The following NRXN1 variants were observed in gnomAD, a reference collection of about 807,000 sequenced individuals.
NRXN1 encodes neurexin 1, also known as neurexin-1.
In NRXN1, 39 loss-of-function variants were observed where a neutral mutation model predicts 150.9. The ratio of observed to expected loss-of-function variants is 0.26; its 90% CI spans 0.20 to 0.34. The LOEUF is 0.34. NRXN1 is among the 10% of genes least tolerant of loss of function. NRXN1 has a pLI of 1.00. For synonymous variants in NRXN1, 924 were observed against 757.0 expected, an observed-to-expected ratio of 1.22 and a Z score of -3.62; for missense variants, 1,815 against 1,949.9, an observed-to-expected ratio of 0.93 and a Z score of 1.30.
chr2:50,943,818 ACAGT>A (rs1689881865), intron 2 of NRXN1, among the ~76,000 whole-genome samples: 1 of 152,232 alleles, frequency 6.6e-6, no homozygotes, highest in South Asian at 2.1e-4. Context: ...TGTTGCAGAG[ACAGT>A]CAGACATGTT....
intron 21 of NRXN1, among the ~76,000 whole-genome samples, chr2:50,003,643 A>C (rs1865488): frequency 0.47 from 71,477 of 151,996 alleles, 17,445 homozygotes; most frequent in Middle Eastern, 0.62. Context: ...TTTTTGCTTC[A>C]CATGTTTAAC....
At chr2:50,964,106 C>G (rs17572798) in intron 2 of NRXN1, 1 of 289,868 alleles carries the variant, frequency 3.4e-6, no homozygotes, top group East Asian at 8.2e-5. Flanking sequence ...ATTTCGACAA[C>G]GATTACAAAA....
intron 12 of NRXN1, among the ~76,000 whole-genome samples, chr2:50,514,110 G>A (rs944945418): frequency 5.9e-5 from 9 of 152,046 alleles, no homozygotes; most frequent in Admixed American, 2.6e-4. Context: ...TATTTCAGTG[G>A]TTAATCTGAC....
intron 2 of NRXN1, among the ~76,000 whole-genome samples, chr2:50,936,128 A>C (rs1333922831): frequency 6.6e-6 from 1 of 152,154 alleles, no homozygotes; most frequent in Non-Finnish European, 1.5e-5. Flanking sequence ...TGTTGTTTGG[A>C]AAATAAACTA....
chr2:49,977,101 T>G (rs1380853214), intron 21 of NRXN1, among the ~76,000 whole-genome samples: 1 of 152,182 alleles, frequency 6.6e-6, no homozygotes, highest in Non-Finnish European at 1.5e-5. Context: ...GGCTTATAGA[T>G]TCTATTGTTG....
At chr2:50,448,134 T>C (rs574002972) in intron 17 of NRXN1, among the ~76,000 whole-genome samples, 1 of 152,144 alleles carries the variant, frequency 6.6e-6, no homozygotes, top group African/African-American at 2.4e-5. Context: ...AAATATAGAA[T>C]GAATGTTCAC....
intron 5 of NRXN1, among the ~76,000 whole-genome samples, chr2:50,854,023 G>C (rs1350767458): frequency 1.3e-5 from 2 of 151,906 alleles, no homozygotes; most frequent in African/African-American, 4.8e-5. Flanking sequence ...TAATTTAAAT[G>C]ATAACTACAT....
At chr2:49,999,899 T>G (rs1322724444) in intron 21 of NRXN1, among the ~76,000 whole-genome samples, 1 of 152,164 alleles carries the variant, frequency 6.6e-6, no homozygotes, top group African/African-American at 2.4e-5. Flanking sequence ...AAGAAGGGCT[T>G]AAACGTTTTA....
intron 7 of NRXN1, 149 bp downstream of exon 7, chr2:50,621,074 AAAG>A (rs1293472722): frequency 1.3e-5 from 8 of 594,338 alleles, no homozygotes; most frequent in African/African-American, 3.8e-5. Flanking sequence ...CAACAGATGA[AAAG>A]AAGGAGGTCA....
At chr2:50,662,550 T>G (rs1049558121) in intron 5 of NRXN1, among the ~76,000 whole-genome samples, 2 of 151,888 alleles carry the variant, frequency 1.3e-5, no homozygotes, top group Non-Finnish European at 2.9e-5. Context: ...CAACACAAAT[T>G]TGTAAACTTT....
At chr2:50,646,807 T>C (rs2104523461) in intron 5 of NRXN1, among the ~76,000 whole-genome samples, 1 of 148,726 alleles carries the variant, frequency 6.7e-6, no homozygotes, top group South Asian at 2.3e-4. Context: ...TGGACTATCC[T>C]TCCTCTGAAC....
chr2:50,812,813 A>G (rs1392458194), intron 5 of NRXN1, among the ~76,000 whole-genome samples: 1 of 151,160 alleles, frequency 6.6e-6, no homozygotes, highest in African/African-American at 2.4e-5. Flanking sequence ...AAAAAAAAAG[A>G]AAAGGAAAAG....
rs1318498899 is a variant in NRXN1, at chr2:50,043,583, C to T, written c.4128+9688G>A. 4.6e-5 allele frequency among the ~76,000 whole-genome samples: 7 copies of T among 152,108 alleles called. No homozygotes were observed. The East Asian group carries it at 1.3e-3, about 29-fold the overall frequency. ...CCCTTTGGATCCATGAACACAAGTA[C>T]CTACATCATTTTCTAGCTGTGGACT... is the stretch of plus-strand genomic sequence containing the variant. On this transcript the variant is annotated intron_variant, in intron 21 of 22. Coordinates refer to ENST00000401669, the MANE Select transcript of NRXN1 (RefSeq NM_001330078.2).
At chr2:50,657,216 A>G (rs183257925) in intron 5 of NRXN1, among the ~76,000 whole-genome samples, 1 of 151,794 alleles carries the variant, frequency 6.6e-6, no homozygotes, top group African/African-American at 2.4e-5. Context: ...CTCCCCATTG[A>G]CTCTTTAATA....
At chr2:50,318,146 G>A (rs1008846054) in intron 17 of NRXN1, among the ~76,000 whole-genome samples, 1 of 151,842 alleles carries the variant, frequency 6.6e-6, no homozygotes, top group African/African-American at 2.4e-5. Context: ...GAAAAAAATG[G>A]ACTAAAAATG....
intron 5 of NRXN1, among the ~76,000 whole-genome samples, chr2:50,646,946 T>C (rs17480512): frequency 0.28 from 41,727 of 151,612 alleles, 6,127 homozygotes; most frequent in Middle Eastern, 0.34. Context: ...TACAGAGTAT[T>C]TTCCTACAGA....
intron 5 of NRXN1, among the ~76,000 whole-genome samples, chr2:50,732,587 T>C (rs1698237191): frequency 6.6e-6 from 1 of 152,182 alleles, no homozygotes; most frequent in Non-Finnish European, 1.5e-5. Flanking sequence ...TTATATGTTT[T>C]ATGGAAGGAA....
At chr2:50,856,166 T>G (rs1675245890) in intron 5 of NRXN1, among the ~76,000 whole-genome samples, 1 of 151,990 alleles carries the variant, frequency 6.6e-6, no homozygotes, top group Non-Finnish European at 1.5e-5. Flanking sequence ...TCAACCATAC[T>G]TGTGACATTT....
At chr2:50,402,606 C>G (rs1303817161) in intron 17 of NRXN1, among the ~76,000 whole-genome samples, 1 of 152,002 alleles carries the variant, frequency 6.6e-6, no homozygotes, top group African/African-American at 2.4e-5. Flanking sequence ...CTTGGTTAGG[C>G]CATATCATGT....
Sources: allele counts gnomAD v4.1 joint callset (sites outside exome capture counted in the v4.1 genomes callset), GRCh38; gene constraint gnomAD v4.1.1; transcripts MANE v1.5; gene names NCBI Gene and HGNC (gene_info 2026-07-23, HGNC 2026-07-21).